The following TRANK1 variants were observed in gnomAD, a reference collection of about 807,000 sequenced individuals.
TRANK1 encodes tetratricopeptide repeat and ankyrin repeat containing 1.
Under a neutral mutation model 266.0 loss-of-function variants are expected in TRANK1, and 198 were observed. The observed-to-expected ratio is 0.74, with a 90% CI of 0.66 to 0.84. The LOEUF is 0.84. Ranked by LOEUF, TRANK1 falls within the 40% of genes least tolerant of loss-of-function variation. The pLI is 0.00. For missense variants in TRANK1, 3,326 were observed against 3,634.6 expected (o/e 0.92, Z 2.18); for synonymous variants, 1,396 against 1,384.1 (o/e 1.01, Z -0.19).
intron 1 of TRANK1, among the ~76,000 whole-genome samples, chr3:36,940,224 G>A (rs149574795): frequency 4.6e-5 from 7 of 151,366 alleles, no homozygotes; most frequent in Non-Finnish European, 1.0e-4. Flanking sequence ...TTGGCCGGGC[G>A]CAGTGGCTCA....
chr3:36,856,666 G>A lies in TRANK1; in HGVS notation c.3056C>T (p.Ala1019Val), dbSNP rs1352765310. 6.8e-6 allele frequency: 11 copies of A among 1,613,966 alleles called. No individual in the cohort carries two copies. The Admixed American group carries it at 1.3e-4, about 20-fold the overall frequency. The change falls in exon 13 of 24, where the codon GCA becomes GTA. Residue 1019 changes from alanine (A) to valine (V), a missense_variant. Physicochemically the swap from Ala to Val is moderately conservative, Grantham distance 64. Transcript: ENST00000645898. The stretch of plus-strand genomic sequence containing the variant: ...CATGATGTTATATTCTGTCTCCACT[G>A]CACTGGCTGGGGGAAAGTACTCAGG... ...VNPEYFPPAS[A>V]VETEYNIMKF...
intron 9 of TRANK1, among the ~76,000 whole-genome samples, chr3:36,865,024 G>GTTTTTTTTTTTTTTTTTTTTTT (rs34540496): frequency 8.3e-6 from 1 of 119,808 alleles, no homozygotes; most frequent in East Asian, 2.5e-4. Context: ...TGTTTTTTTG[G>GTTTTTTTTTTTTTTTTTTTTTT]TTTTTTTTTT....
intron 20 of TRANK1, among the ~76,000 whole-genome samples, chr3:36,835,251 G>A (rs371549921): frequency 3.4e-5 from 5 of 146,782 alleles, no homozygotes; most frequent in South Asian, 2.2e-4. Flanking sequence ...CCCGGGAGGC[G>A]GAGCTTGCAG....
intron 21 of TRANK1, 52 bp downstream of exon 21, chr3:36,834,710 A>C: frequency 1.3e-6 from 2 of 1,573,580 alleles, no homozygotes; most frequent in Non-Finnish European, 1.7e-6. Flanking sequence ...GGCTGCCCCC[A>C]GAGAGAAGTG....
Position 36,857,863 on chromosome 3 carries a change from T to G in TRANK1, c.1859A>C (p.Asn620Thr), listed in dbSNP as rs2079080788. The change falls in exon 13 of 24, where the codon AAC becomes ACC. Residue 620 changes from asparagine (N) to threonine (T), a missense_variant. Physicochemically the swap from Asn to Thr is moderately conservative, Grantham distance 65. Coordinates refer to ENST00000645898, the MANE Select transcript of TRANK1 (RefSeq NM_001329998.2). This position sits in a 1 kb window ranked among gnomAD's most constrained non-coding sequence, Gnocchi z 4.3. The stretch of plus-strand genomic sequence containing the variant: ...GCCCTCTTTGTTCTTCAGATTGAAG[T>G]TGATGTCAAACTTCACCAGCAGGTC... ...LLDLLVKFDI[N>T]FNLKNKEGKD... 2.5e-6 allele frequency: 4 copies of G among 1,613,442 alleles called. No homozygotes were observed. Among genetic ancestry groups the G allele is most frequent in the East Asian group, 2.2e-5 (1 of 44,898 alleles).
chr3:36,844,900 A>G (rs879481447), intron 17 of TRANK1, among the ~76,000 whole-genome samples: 2 of 152,168 alleles, frequency 1.3e-5, no homozygotes, highest in Non-Finnish European at 2.9e-5. Flanking sequence ...ATAGAAATGA[A>G]CAATAGCCTT....
chr3:36,882,207 T>G (rs1019829239), intron 8 of TRANK1, among the ~76,000 whole-genome samples: 1 of 152,240 alleles, frequency 6.6e-6, no homozygotes, highest in African/African-American at 2.4e-5. Flanking sequence ...CAGCAATGTA[T>G]GAAGGATCCA....
intron 18 of TRANK1, among the ~76,000 whole-genome samples, chr3:36,840,634 G>T (rs1343837191): frequency 1.3e-5 from 2 of 152,220 alleles, no homozygotes. Flanking sequence ...GGGGCCTTGT[G>T]TGCTTCTGTT....
intron 8 of TRANK1, among the ~76,000 whole-genome samples, chr3:36,877,833 A>C (rs1367282275): frequency 6.6e-6 from 1 of 152,236 alleles, no homozygotes; most frequent in Non-Finnish European, 1.5e-5. Context: ...AAGGAATACA[A>C]AACTATTTAT....
intron 21 of TRANK1, chr3:36,834,521 C>T (rs1240407070): frequency 6.7e-6 from 3 of 445,802 alleles, no homozygotes; most frequent in South Asian, 4.6e-5. Context: ...TCATAACATA[C>T]TCCCATCCCC....
intron 1 of TRANK1, 132 bp downstream of exon 1, chr3:36,944,655 G>T: frequency 9.0e-7 from 1 of 1,108,068 alleles, no homozygotes; most frequent in Non-Finnish European, 1.3e-6. Flanking sequence ...GGGCCCCACA[G>T]GGATGGCCGG....
At chr3:36,879,236 G>C (rs559145962) in intron 8 of TRANK1, among the ~76,000 whole-genome samples, 10 of 151,124 alleles carry the variant, frequency 6.6e-5, no homozygotes, top group Non-Finnish European at 1.5e-5. Flanking sequence ...ATGATCCTTA[G>C]GCTTATGAGA....
intron 10 of TRANK1, among the ~76,000 whole-genome samples, chr3:36,862,356 ATTCATTTTAATATTTAAAATG>A (rs958235920): frequency 5.3e-5 from 8 of 152,216 alleles, no homozygotes; most frequent in African/African-American, 1.9e-4. Context: ...TAAAATGAAT[ATTCATTTTAATATTTAAAATG>A]TTCATTTTAA....
rs118036401 is a variant in TRANK1 at position 36,936,186 on chromosome 3, G to C, written c.23+8601C>G. Reference sequence around the variant, plus strand: ...AACTGGAAAACAGTAGCATTTGCACGCACAAAAAAAGAAAAGGGATAGGTG... The same window carrying C: ...AACTGGAAAACAGTAGCATTTGCACCCACAAAAAAAGAAAAGGGATAGGTG... On this transcript the variant is annotated intron_variant, in intron 1 of 23. Transcript: ENST00000645898. 1.4e-4 allele frequency among the ~76,000 whole-genome samples: 21 copies of C among 152,154 alleles called. No homozygotes were observed. The East Asian group carries it at 4.1e-3, about 29-fold the overall frequency.
chr3:36,864,175 A>G, intron 10 of TRANK1, 144 bp downstream of exon 10: 1 of 943,158 alleles, frequency 1.1e-6, no homozygotes, highest in Non-Finnish European at 1.5e-6. Context: ...TTTTACACCA[A>G]AGAATGCTCT....
intron 1 of TRANK1, among the ~76,000 whole-genome samples, chr3:36,910,348 C>G (rs528762878): frequency 1.4e-4 from 21 of 152,234 alleles, no homozygotes; most frequent in African/African-American, 5.1e-4. Flanking sequence ...TTCACCACCT[C>G]GAAAACTTGG....
Position 36,944,912 on chromosome 3 carries a change from G to A in TRANK1, c.-103C>T, listed in dbSNP as rs2080551865. The A allele has an allele frequency of 4.8e-6, 6 of 1,238,962 alleles. No homozygotes were observed. Among genetic ancestry groups the A allele is most frequent in the South Asian group, 1.9e-5 (1 of 52,668 alleles). 76.7% of individuals were successfully genotyped at this position (1,238,962 alleles called of 1,614,324 possible). ...GTGCGGAAGCCCGAAAGCTACCGGA[G>A]CCCGGGGCAGGGGCGGCGCGATGCA... On this transcript the variant is annotated 5_prime_UTR_variant, in exon 1 of 24. Transcript: ENST00000645898.
intron 15 of TRANK1, chr3:36,851,515 T>G: frequency 8.0e-7 from 1 of 1,243,364 alleles, no homozygotes; most frequent in Non-Finnish European, 1.1e-6. Context: ...AACTAGCCCA[T>G]GACACACTGT....
chr3:36,851,050 G>A, intron 15 of TRANK1: 1 of 985,526 alleles, frequency 1.0e-6, no homozygotes, highest in South Asian at 4.7e-5. Context: ...GCTGTGAGTT[G>A]GTAGCTCTAC....
Sources: gnomAD v4.1 joint callset for allele counts (sites outside exome capture counted in the v4.1 genomes callset) on GRCh38, gnomAD v4.1.1 for gene constraint, Gnocchi (gnomAD v3.1) non-coding constraint, MANE v1.5 for transcripts, NCBI Gene and HGNC (gene_info 2026-07-23, HGNC 2026-07-21) for gene names.